The following INPP4B variants were observed in gnomAD, a reference collection of about 807,000 sequenced individuals.
INPP4B encodes inositol polyphosphate 4-phosphatase type II.
A neutral mutation model predicts 122.5 loss-of-function variants in INPP4B; 55 were observed. The ratio of observed to expected loss-of-function variants is 0.45; its 90% CI spans 0.36 to 0.56. The LOEUF is 0.56. Among genes scored for constraint, INPP4B ranks in the 20% least tolerant of loss-of-function variants. INPP4B has a pLI of 0.00. For missense variants in INPP4B, 1,000 were observed against 1,097.7 expected, an observed-to-expected ratio of 0.91 and a Z score of 1.26; for synonymous variants, 403 against 388.7, an observed-to-expected ratio of 1.04 and a Z score of -0.43.
At chr4:142,825,827 C>T (rs2088796081) in intron 1 of INPP4B, among the ~76,000 whole-genome samples, 1 of 151,898 alleles carries the variant, frequency 6.6e-6, no homozygotes, top group Admixed American at 6.6e-5. Context: ...ATCAAGTAGG[C>T]TTATTTGGCT....
At chr4:142,329,924 TAAAAAGCATTCAG>T (rs201326974) in intron 7 of INPP4B, among the ~76,000 whole-genome samples, 2,063 of 152,192 alleles carry the variant, frequency 0.014, 37 homozygotes, top group African/African-American at 0.046. Flanking sequence ...GCCTATGAAG[TAAAAAGCATTCAG>T]AAAAAGCATT....
At chr4:142,244,668 G>C (rs990809272) in intron 11 of INPP4B, among the ~76,000 whole-genome samples, 4 of 152,078 alleles carry the variant, frequency 2.6e-5, no homozygotes, top group Admixed American at 2.0e-4. Context: ...TTGCTATTGT[G>C]AACAGTGCTG....
chr4:142,339,784 GA>G (rs752901977), intron 7 of INPP4B, among the ~76,000 whole-genome samples: 4 of 151,774 alleles, frequency 2.6e-5, no homozygotes, highest in Non-Finnish European at 4.4e-5. Flanking sequence ...CTCTCCCTAA[GA>G]AAAAAAGGCA....
At chr4:142,198,245 T>C (rs1184099455) in intron 14 of INPP4B, among the ~76,000 whole-genome samples, 6 of 152,082 alleles carry the variant, frequency 3.9e-5, no homozygotes, top group Non-Finnish European at 8.8e-5. Context: ...AGGGTTACCC[T>C]AATTTCCTGT....
At chr4:142,806,622 T>A (rs2151105907) in intron 1 of INPP4B, among the ~76,000 whole-genome samples, 1 of 151,768 alleles carries the variant, frequency 6.6e-6, no homozygotes, top group African/African-American at 2.4e-5. Flanking sequence ...CATGTGCCTG[T>A]AGTCCCAGAT....
intron 1 of INPP4B, among the ~76,000 whole-genome samples, chr4:142,789,678 A>G (rs1178106585): frequency 6.6e-6 from 1 of 152,148 alleles, no homozygotes; most frequent in Non-Finnish European, 1.5e-5. Context: ...CAATCTATAA[A>G]TTCAATGCAA....
Position 142,483,182 on chromosome 4 carries a change from C to CTTTTTTTTTTTTTTTTTTTTTTTTTTTT in INPP4B, c.-190-20457_-190-20456insAAAAAAAAAAAAAAAAAAAAAAAAAAAA, listed in dbSNP as rs5862604. 6.2e-5 allele frequency among the ~76,000 whole-genome samples: 3 copies of CTTTTTTTTTTTTTTTTTTTTTTTTTTTT among 48,326 alleles called. 1 individual carries two copies. Among genetic ancestry groups the CTTTTTTTTTTTTTTTTTTTTTTTTTTTT allele is most frequent in the Admixed American group, 2.9e-4 (1 of 3,404 alleles). The allele number at this position is 48,326 out of a possible 152,430, so 31.7% of individuals were successfully genotyped here. ...TAATAATGACTGGAGTCAGGCTATG[C>CTTTTTTTTTTTTTTTTTTTTTTTTTTTT]TTTTTTTTTTTTTTTTTTTTTTTTT... On this transcript the variant is annotated intron_variant, in intron 2 of 25. Transcript: ENST00000262992.
chr4:142,314,910 CG>C, intron 7 of INPP4B, 148 bp from the exon 8 acceptor site: 1 of 652,846 alleles, frequency 1.5e-6, no homozygotes, highest in Non-Finnish European at 2.6e-6. Flanking sequence ...GCAACACCTG[CG>C]GCAGTGCAAT....
intron 7 of INPP4B, among the ~76,000 whole-genome samples, chr4:142,401,577 A>G (rs1801598323): frequency 6.6e-6 from 1 of 152,244 alleles, no homozygotes; most frequent in Non-Finnish European, 1.5e-5. Context: ...AGAAAGCATG[A>G]GGCAGCTGCC....
At chr4:142,654,823 T>C (rs981924976) in intron 2 of INPP4B, 5 of 152,160 alleles carry the variant, frequency 3.3e-5, no homozygotes, top group Non-Finnish European at 5.9e-5. Flanking sequence ...GTTAAAATAG[T>C]AAATAAGGTG....
At chr4:142,230,808 A>C (rs1267104703) in intron 12 of INPP4B, among the ~76,000 whole-genome samples, 1 of 152,162 alleles carries the variant, frequency 6.6e-6, no homozygotes, top group Non-Finnish European at 1.5e-5. Flanking sequence ...CATTTTATAT[A>C]TCTGTAACTG....
At chr4:142,521,340 A>G (rs938440694) in intron 2 of INPP4B, among the ~76,000 whole-genome samples, 10 of 152,064 alleles carry the variant, frequency 6.6e-5, no homozygotes, top group Non-Finnish European at 1.2e-4. Flanking sequence ...TCATATTTCC[A>G]TTAGCATATT....
chr4:142,126,559 A>C (rs1484980163), intron 18 of INPP4B, among the ~76,000 whole-genome samples: 1 of 152,170 alleles, frequency 6.6e-6, no homozygotes, highest in Non-Finnish European at 1.5e-5. Flanking sequence ...GTTAGAAATT[A>C]TTTTAAAAAT....
At chr4:142,740,403 C>T (rs927038944) in intron 1 of INPP4B, among the ~76,000 whole-genome samples, 2 of 152,008 alleles carry the variant, frequency 1.3e-5, no homozygotes, top group African/African-American at 4.8e-5. Flanking sequence ...TGCTTCAAAA[C>T]ATTTAGAAAT....
rs72460445 is a variant in INPP4B, at chr4:142,644,905, CAAAAAAAA to C, written c.-191+80926_-191+80933del. ...TGAGTGACAGAGCAAGACTCCATCT[CAAAAAAAA>C]AAAAAAAAAAAAAGCAAAGAGAAAC... On this transcript the variant is annotated intron_variant, in intron 2 of 25. Transcript: ENST00000262992. Among the ~76,000 whole-genome samples, 12 of 66,150 alleles carry C rather than the reference CAAAAAAAA, an allele frequency of 1.8e-4. No homozygotes were observed. In the South Asian group the frequency reaches 5.5e-3, roughly 30 times the overall value. 43.4% of individuals were successfully genotyped at this position (66,150 alleles called of 152,430 possible). A position where few individuals can be genotyped will look rare whatever the true frequency, so the allele number is the denominator to read the frequency against.
intron 12 of INPP4B, among the ~76,000 whole-genome samples, chr4:142,221,381 C>A (rs1849293991): frequency 8.4e-6 from 1 of 119,514 alleles, no homozygotes; most frequent in African/African-American, 3.2e-5. Context: ...CAGAGCAAGA[C>A]TCCTTCTCAA....
At chr4:142,846,375 T>C (rs927434680), upstream of INPP4B, 6 of 152,182 alleles carry the variant, frequency 3.9e-5, no homozygotes, top group African/African-American at 1.4e-4. This position sits in a 1 kb window ranked among gnomAD's most constrained non-coding sequence, Gnocchi z 5.1. Context: ...CGGAGGAAAC[T>C]AGCAGGCGGC....
chr4:142,799,205 G>GTTCTGCTT (rs1777679361), intron 1 of INPP4B, among the ~76,000 whole-genome samples: 1 of 151,770 alleles, frequency 6.6e-6, no homozygotes, highest in Non-Finnish European at 1.5e-5. Flanking sequence ...ACAACCCCTT[G>GTTCTGCTT]TTCTGCTTTT....
intron 2 of INPP4B, among the ~76,000 whole-genome samples, chr4:142,584,287 C>T (rs1735701096): frequency 6.6e-6 from 1 of 152,104 alleles, no homozygotes; most frequent in Non-Finnish European, 1.5e-5. Context: ...TCATATGGCT[C>T]ATATGTTATA....
Sources: allele counts gnomAD v4.1 joint callset (sites outside exome capture counted in the v4.1 genomes callset), GRCh38; gene constraint gnomAD v4.1.1; non-coding constraint Gnocchi (gnomAD v3.1); transcripts MANE v1.5; gene names NCBI Gene and HGNC (gene_info 2026-07-23, HGNC 2026-07-21).